The following NLK variants were observed in gnomAD, a reference collection of about 807,000 sequenced individuals.
NLK encodes nemo like kinase.
NLK carries 11 observed loss-of-function variants against 59.0 expected under a neutral mutation model. The ratio of observed to expected loss-of-function variants is 0.19; its 90% CI spans 0.12 to 0.31. The LOEUF is 0.31. Among genes scored for constraint, NLK ranks in the 10% least tolerant of loss-of-function variants. The probability of loss-of-function intolerance (pLI) is 1.00; values close to 1 mark genes in which losing one functional copy is unlikely to be tolerated. For synonymous variants in NLK, 235 were observed against 235.9 expected (o/e 1.00, Z 0.03); for missense variants, 410 against 661.1 (o/e 0.62, Z 4.16).
intron 1 of NLK, chr17:28,048,713 C>G (rs894721271): frequency 6.6e-6 from 1 of 152,186 alleles, no homozygotes; most frequent in Non-Finnish European, 1.5e-5. Flanking sequence ...TCAGAGTTTT[C>G]TCTGCCTTCT....
the NLK span, among the ~76,000 whole-genome samples, chr17:28,203,234 T>C: frequency 6.7e-6 from 1 of 148,308 alleles, no homozygotes; most frequent in East Asian, 1.9e-4. Flanking sequence ...GGTCTCCTGC[T>C]CCTGGCCACA....
intron 1 of NLK, among the ~76,000 whole-genome samples, chr17:28,121,255 A>G (rs1258477752): frequency 6.6e-6 from 1 of 151,736 alleles, no homozygotes; most frequent in Non-Finnish European, 1.5e-5. Flanking sequence ...AGGAATAAAT[A>G]CTCAGAGCAT....
chr17:28,164,135 T>A (rs1257441034), intron 5 of NLK, among the ~76,000 whole-genome samples: 2 of 152,116 alleles, frequency 1.3e-5, no homozygotes, highest in Non-Finnish European at 2.9e-5. Context: ...TTTGGGAGGC[T>A]GAGGCGGGCA....
chr17:28,180,769 A>C (rs1357192227), intron 7 of NLK, among the ~76,000 whole-genome samples: 1 of 152,218 alleles, frequency 6.6e-6, no homozygotes. Context: ...AAAAAAGAAG[A>C]CAGCTATTCA....
At chr17:28,060,547 C>T (rs1909596453) in intron 1 of NLK, among the ~76,000 whole-genome samples, 2 of 152,118 alleles carry the variant, frequency 1.3e-5, no homozygotes, top group South Asian at 2.1e-4. Context: ...GCCGGGATTA[C>T]AAGCATGAGC....
chr17:28,184,339 A>C (rs912755748), intron 7 of NLK, among the ~76,000 whole-genome samples: 5 of 152,154 alleles, frequency 3.3e-5, no homozygotes, highest in African/African-American at 1.2e-4. Flanking sequence ...AAAACCTTTC[A>C]ATCTTTTCTC....
intron 3 of NLK, among the ~76,000 whole-genome samples, chr17:28,134,130 C>T (rs1293127784): frequency 6.6e-6 from 1 of 152,030 alleles, no homozygotes; most frequent in Non-Finnish European, 1.5e-5. Flanking sequence ...CAGTGGCTCA[C>T]ACCTGTAATC....
chr17:28,111,894 GTGGTGTGTGTGTGTGTGTGTGTGTGT>G (rs1905516160), intron 1 of NLK, among the ~76,000 whole-genome samples: 5 of 102,468 alleles, frequency 4.9e-5, no homozygotes, highest in African/African-American at 1.7e-4. Flanking sequence ...GTGTGTGTGT[GTGGTGTGTGTGTGTGTGTGTGTGTGT>G]GTGTGTGTGT....
intron 1 of NLK, among the ~76,000 whole-genome samples, chr17:28,101,645 C>A (rs1203996791): frequency 6.6e-6 from 1 of 152,136 alleles, no homozygotes; most frequent in Non-Finnish European, 1.5e-5. Context: ...TACCCTGGAA[C>A]TTTGCTGCTT....
chr17:28,087,465 T>C (rs1269853753), intron 1 of NLK, among the ~76,000 whole-genome samples: 1 of 152,182 alleles, frequency 6.6e-6, no homozygotes, highest in African/African-American at 2.4e-5. Context: ...TCATTCACCT[T>C]TATTGTATAG....
At chr17:28,072,849 T>C (rs1016156479) in intron 1 of NLK, among the ~76,000 whole-genome samples, 3 of 152,308 alleles carry the variant, frequency 2.0e-5, no homozygotes. Context: ...TTTTTTCAAA[T>C]ACATTAAAAA....
At chr17:28,143,263 C>T (rs766248940) in intron 3 of NLK, among the ~76,000 whole-genome samples, 24 of 152,092 alleles carry the variant, frequency 1.6e-4, no homozygotes, top group Admixed American at 4.6e-4. Context: ...AGGATGGTCT[C>T]GCTCTCCTGA....
chr17:28,084,767 T>C (rs1910457061), intron 1 of NLK, among the ~76,000 whole-genome samples: 1 of 152,224 alleles, frequency 6.6e-6, no homozygotes, highest in South Asian at 2.1e-4. Flanking sequence ...TTTCACCACG[T>C]TGGCCAGGCT....
At chr17:28,108,350 TA>T in intron 1 of NLK, among the ~76,000 whole-genome samples, 1 of 152,064 alleles carries the variant, frequency 6.6e-6, no homozygotes. Context: ...CATCTTCTGT[TA>T]AAAAATAATT....
intron 1 of NLK, among the ~76,000 whole-genome samples, chr17:28,092,921 G>A (rs940797841): frequency 2.6e-5 from 4 of 151,760 alleles, no homozygotes; most frequent in South Asian, 2.1e-4. Flanking sequence ...TCAGCCTCCC[G>A]AGTAGCTGGG....
chr17:28,194,746 T>C lies in NLK; in HGVS notation c.*110T>C. 1 of 581,492 alleles carries C rather than the reference T, an allele frequency of 1.7e-6. No individual in the cohort carries two copies. Among genetic ancestry groups the C allele is most frequent in the African/African-American group, 1.9e-5 (1 of 53,844 alleles). The allele number at this position is 581,492 out of a possible 1,614,324, so 36.0% of individuals were successfully genotyped here. A position where few individuals can be genotyped will look rare whatever the true frequency, so the allele number is the denominator to read the frequency against. Reference sequence around the variant, plus strand: ...TGTACTGTAATTTTACTAATGAAGTTTTAAATTAACAACCACTACTTGTAT... The same window carrying C: ...TGTACTGTAATTTTACTAATGAAGTCTTAAATTAACAACCACTACTTGTAT... On this transcript the variant is annotated 3_prime_UTR_variant, in exon 11 of 11. Coordinates refer to ENST00000407008, the MANE Select transcript of NLK (RefSeq NM_016231.5).
intron 1 of NLK, among the ~76,000 whole-genome samples, chr17:28,051,412 T>A (rs1161812617): frequency 1.3e-5 from 2 of 150,848 alleles, no homozygotes; most frequent in Non-Finnish European, 3.0e-5. Flanking sequence ...CAGGCTGGAG[T>A]GCAGTGGCAT....
chr17:28,096,496 G>T (rs1485236774), intron 1 of NLK, among the ~76,000 whole-genome samples: 1 of 151,988 alleles, frequency 6.6e-6, no homozygotes, highest in African/African-American at 2.4e-5. Flanking sequence ...AGTCCTAAGG[G>T]GCTATAATTG....
chr17:28,183,224 C>G (rs1417065824), intron 7 of NLK, among the ~76,000 whole-genome samples: 1 of 152,208 alleles, frequency 6.6e-6, no homozygotes, highest in African/African-American at 2.4e-5. Context: ...GGGAAGAGAT[C>G]AGATCCAGAT....
Sources: gnomAD v4.1 joint callset for allele counts (sites outside exome capture counted in the v4.1 genomes callset) on GRCh38, gnomAD v4.1.1 for gene constraint, MANE v1.5 for transcripts, NCBI Gene and HGNC (gene_info 2026-07-23, HGNC 2026-07-21) for gene names.